Variants in KCNJ10 observed in about 807,000 individuals in gnomAD.
KCNJ10 encodes ATP-sensitive inward rectifier potassium channel 10.
Under a neutral mutation model 22.2 loss-of-function variants are expected in KCNJ10, and 9 were observed. The observed-to-expected ratio is 0.40, with a 90% CI of 0.24 to 0.71. KCNJ10 has a LOEUF of 0.71. Ranked by LOEUF, KCNJ10 falls within the 30% of genes least tolerant of loss-of-function variation. The pLI, the probability that KCNJ10 is intolerant of heterozygous loss-of-function variation, is 0.35. For synonymous variants in KCNJ10, 184 were observed against 187.3 expected (o/e 0.98, Z 0.15); for missense variants, 337 against 482.7 (o/e 0.70, Z 2.83).
chr1:160,045,851 G>A (rs1469467462), intron 1 of KCNJ10, among the ~76,000 whole-genome samples: 2 of 152,196 alleles, frequency 1.3e-5, no homozygotes, highest in Admixed American at 1.3e-4. Context: ...GTGATCAAAG[G>A]CTTGGACTTG....
chr1:160,041,741 G>C lies in KCNJ10; in HGVS notation c.792C>G (p.Pro264=). The change falls in exon 2 of 2, where the codon CCC becomes CCG. Residue 264 remains proline, a synonymous_variant. Coordinates refer to ENST00000644903, the MANE Select transcript of KCNJ10 (RefSeq NM_002241.5). The surrounding 1 kb of genome is among the most constrained non-coding windows in gnomAD (Gnocchi z 4.4). ...CACTGCGAAGAGGGAGATCTTTCAAGGGACTGGTCTCATCTACCACATGAT... is the reference window on the plus strand; with the variant it reads ...CACTGCGAAGAGGGAGATCTTTCAACGGACTGGTCTCATCTACCACATGAT... The part of the protein sequence containing the change: ...TFYHVVDETS[P]LKDLPLRSGE... The C allele has an allele frequency of 6.2e-7, 1 of 1,614,138 alleles. No individual in the cohort carries two copies. Among genetic ancestry groups the C allele is most frequent in the Non-Finnish European group, 8.5e-7 (1 of 1,180,012 alleles).
At chr1:160,060,303 G>A (rs1451870571) in intron 1 of KCNJ10, among the ~76,000 whole-genome samples, 1 of 152,100 alleles carries the variant, frequency 6.6e-6, no homozygotes, top group African/African-American at 2.4e-5. Flanking sequence ...CCCGAGCACA[G>A]CAGGGAAAGC....
intron 1 of KCNJ10, among the ~76,000 whole-genome samples, chr1:160,049,161 C>T (rs1648818703): frequency 6.6e-6 from 1 of 152,188 alleles, no homozygotes. Flanking sequence ...AATCCATCCA[C>T]TTTTCATTTT....
chr1:160,043,312 C>A (rs947081339), intron 1 of KCNJ10, among the ~76,000 whole-genome samples: 2 of 149,934 alleles, frequency 1.3e-5, no homozygotes, highest in African/African-American at 2.5e-5. Flanking sequence ...CACACACACA[C>A]ACAACCTTAA....
chr1:160,042,770 CT>C (rs1333077062), intron 1 of KCNJ10, among the ~76,000 whole-genome samples: 1 of 152,178 alleles, frequency 6.6e-6, no homozygotes, highest in East Asian at 1.9e-4. Context: ...AACCCTGTCT[CT>C]ACTAAAAATA....
intron 1 of KCNJ10, among the ~76,000 whole-genome samples, chr1:160,043,767 GA>G (rs1648674002): frequency 6.6e-6 from 1 of 152,248 alleles, no homozygotes; most frequent in Non-Finnish European, 1.5e-5. Context: ...TCTGATAGCA[GA>G]AAGTGGGGCA....
chr1:160,067,267 C>G (rs1395959991), intron 1 of KCNJ10, among the ~76,000 whole-genome samples: 1 of 152,076 alleles, frequency 6.6e-6, no homozygotes, highest in Non-Finnish European at 1.5e-5. Flanking sequence ...TTTCAAGGTT[C>G]TGATGGGGGA....
intron 1 of KCNJ10, among the ~76,000 whole-genome samples, chr1:160,044,190 C>T (rs1648684031): frequency 6.6e-6 from 1 of 152,180 alleles, no homozygotes; most frequent in Non-Finnish European, 1.5e-5. Flanking sequence ...ATTTACCAGC[C>T]CTGTGTCACA....
At chr1:160,054,707 C>T (rs932239649) in intron 1 of KCNJ10, among the ~76,000 whole-genome samples, 1 of 152,234 alleles carries the variant, frequency 6.6e-6, no homozygotes, top group African/African-American at 2.4e-5. Flanking sequence ...TCAGTCATCA[C>T]CTGGCCTAGG....
Position 160,040,529 on chromosome 1 carries a change from C to T in KCNJ10, c.*864G>A, listed in dbSNP as rs940475634. On this transcript the variant is annotated 3_prime_UTR_variant, in exon 2 of 2. Coordinates refer to ENST00000644903, the MANE Select transcript of KCNJ10 (RefSeq NM_002241.5). ...TTCCATGGGGCCTGGGTACTGGACT[C>T]TTTTCAAAGGAACATATTGGCTTGG... 2.5e-6 allele frequency: 1 copy of T among 398,574 alleles called. No individual in the cohort carries two copies. Among genetic ancestry groups the T allele is most frequent in the Non-Finnish European group, 4.4e-6 (1 of 226,134 alleles). 24.7% of individuals were successfully genotyped at this position (398,574 alleles called of 1,614,324 possible). A position where few individuals can be genotyped will look rare whatever the true frequency, so the allele number is the denominator to read the frequency against.
intron 1 of KCNJ10, among the ~76,000 whole-genome samples, chr1:160,062,106 G>GA (rs1286428699): frequency 6.6e-6 from 1 of 151,922 alleles, no homozygotes; most frequent in East Asian, 1.9e-4. Context: ...GTGAGCCTAG[G>GA]GCCTCTCCCC....
intron 1 of KCNJ10, among the ~76,000 whole-genome samples, chr1:160,045,875 A>G (rs760221980): frequency 6.6e-6 from 1 of 152,274 alleles, no homozygotes; most frequent in Non-Finnish European, 1.5e-5. Flanking sequence ...TTTGAGCTCC[A>G]AGAGGAACAA....
intron 1 of KCNJ10, among the ~76,000 whole-genome samples, chr1:160,049,691 A>ATATATATATATATATATATATT (rs1648848535): frequency 5.3e-5 from 6 of 113,492 alleles, no homozygotes; most frequent in Non-Finnish European, 1.1e-4. Context: ...ATATATATAT[A>ATATATATATATATATATATATT]TATATATATA....
In KCNJ10 at chr1:160,041,334, A is replaced by T; in HGVS notation, c.*59T>A. 6.5e-7 allele frequency: 1 copy of T among 1,527,308 alleles called. No homozygotes were observed. The highest frequency in any genetic ancestry group is 1.2e-5 in the South Asian group (1 of 86,412). 94.6% of individuals were successfully genotyped at this position (1,527,308 alleles called of 1,614,324 possible). A position where few individuals can be genotyped will look rare whatever the true frequency, so the allele number is the denominator to read the frequency against. Reference sequence around the variant, plus strand: ...CCAGTAAACCCGGGTAGTATTCCTTACCAGGGCATTGGAAGAGAGGAAAAG... The same window carrying T: ...CCAGTAAACCCGGGTAGTATTCCTTTCCAGGGCATTGGAAGAGAGGAAAAG... On this transcript the variant is annotated 3_prime_UTR_variant, in exon 2 of 2. Transcript: ENST00000644903. The surrounding 1 kb of genome is among the most constrained non-coding windows in gnomAD (Gnocchi z 4.4).
chr1:160,041,520 G>T lies in KCNJ10; in HGVS notation c.1013C>A (p.Ser338Tyr). 1 of 1,614,208 alleles carries T rather than the reference G, an allele frequency of 6.2e-7. No homozygotes were observed. Among genetic ancestry groups the T allele is most frequent in the East Asian group, 2.2e-5 (1 of 44,884 alleles). Residue 338 changes from serine to tyrosine, a missense_variant, in exon 2 of 2, where the codon TCT becomes TAT. Transcript: ENST00000644903. This position sits in a 1 kb window ranked among gnomAD's most constrained non-coding sequence, Gnocchi z 4.4. ...AGTGCTGTCACGGAGGCCACTAGGAGAGGCCACTTTCACAACTTGGTCAAA... is the reference window on the plus strand; with the variant it reads ...AGTGCTGTCACGGAGGCCACTAGGATAGGCCACTTTCACAACTTGGTCAAA... ...SLFDQVVKVA[S>Y]PSGLRDSTVR...
Position 160,042,011 on chromosome 1 carries a change from CT to C in KCNJ10, c.521del (p.Lys174SerfsTer24). 6.4e-7 allele frequency: 1 copy of C among 1,567,926 alleles called. No individual in the cohort carries two copies. Among genetic ancestry groups the C allele is most frequent in the Non-Finnish European group, 8.7e-7 (1 of 1,155,546 alleles). Reference sequence around the variant, plus strand: ...GGCTGAAACGAATGGTCTCAGCCCGCTTCTTGGGCCGGGCAATCTTCGCCAG... The same window carrying C: ...GGCTGAAACGAATGGTCTCAGCCCGCTCTTGGGCCGGGCAATCTTCGCCAG... ...TFLAKIARPKKRAETIRFSQH... is the reference protein window; with the variant it reads ...TFLAKIARPKXRAETIRFSQH... On this transcript the variant is annotated frameshift_variant, in exon 2 of 2. Transcript: ENST00000644903. LOFTEE classifies it high-confidence loss of function.
At chr1:160,059,481 G>A (rs1393242155) in intron 1 of KCNJ10, among the ~76,000 whole-genome samples, 2 of 152,152 alleles carry the variant, frequency 1.3e-5, no homozygotes, top group Non-Finnish European at 2.9e-5. Context: ...AAAAGTGCCA[G>A]TTTCTGTGGA....
In KCNJ10 at chr1:160,037,469, A is replaced by G. The variant is rs1428455257; in HGVS notation, c.*3924T>C. Reference sequence around the variant, plus strand: ...TAGCTTTTTAAAAGAAGCTAGAGTGACAACCAAAGAGTCATCCATTTTATT... The same window carrying G: ...TAGCTTTTTAAAAGAAGCTAGAGTGGCAACCAAAGAGTCATCCATTTTATT... On this transcript the variant is annotated 3_prime_UTR_variant, in exon 2 of 2. Transcript: ENST00000644903. 6.6e-6 allele frequency: 1 copy of G among 152,248 alleles called. No individual in the cohort carries two copies. Among genetic ancestry groups the G allele is most frequent in the Non-Finnish European group, 1.5e-5 (1 of 68,050 alleles). 9.4% of individuals were successfully genotyped at this position (152,248 alleles called of 1,614,324 possible). A position where few individuals can be genotyped will look rare whatever the true frequency, so the allele number is the denominator to read the frequency against.
chr1:160,070,064 C>T lies in KCNJ10; in HGVS notation c.-43G>A, dbSNP rs372841245. The T allele has an allele frequency of 1.5e-3, 234 of 152,894 alleles. 5 individuals are homozygous for T. In the South Asian group the frequency reaches 0.047, roughly 31 times the overall value. 9.5% of individuals were successfully genotyped at this position (152,894 alleles called of 1,614,324 possible). A position where few individuals can be genotyped will look rare whatever the true frequency, so the allele number is the denominator to read the frequency against. On this transcript the variant is annotated 5_prime_UTR_variant, in exon 1 of 2. Coordinates refer to ENST00000644903, the MANE Select transcript of KCNJ10 (RefSeq NM_002241.5). This position sits in a 1 kb window ranked among gnomAD's most constrained non-coding sequence, Gnocchi z 4.3. ...GTGGCCCCTTGGATGGGCCGCGGGG[C>T]AGCGGGACAGATGGACGGACGGGGC...
Sources: gnomAD v4.1 joint callset for allele counts (sites outside exome capture counted in the v4.1 genomes callset) on GRCh38, gnomAD v4.1.1 for gene constraint, Gnocchi (gnomAD v3.1) non-coding constraint, MANE v1.5 for transcripts, NCBI Gene and HGNC (gene_info 2026-07-23, HGNC 2026-07-21) for gene names.